KCNH8: variants seen among roughly 807,000 people sequenced by gnomAD.
KCNH8 encodes voltage-gated delayed rectifier potassium channel KCNH8.
Under a neutral mutation model 103.6 loss-of-function variants are expected in KCNH8, and 70 were observed. The observed-to-expected ratio is 0.68, with a 90% CI of 0.56 to 0.82. The LOEUF is 0.82. KCNH8 is among the 40% of genes least tolerant of loss of function. KCNH8 has a pLI of 0.00. For synonymous variants in KCNH8, 498 were observed against 489.4 expected (o/e 1.02, Z -0.23); for missense variants, 1,217 against 1,329.9 (o/e 0.92, Z 1.32).
Position 19,469,430 on chromosome 3 carries a change from CTGT to C in KCNH8, c.2040+12456_2040+12458del, listed in dbSNP as rs557695211. On this transcript the variant is annotated intron_variant, in intron 11 of 15. Transcript: ENST00000328405. Reference sequence around the variant, plus strand: ...ATCCAGTATGTTTTTTTTGTTGTTGCTGTTGTTGTTTTTTGTTTTTTGTTTTTG... The same window carrying C: ...ATCCAGTATGTTTTTTTTGTTGTTGCTGTTGTTTTTTGTTTTTTGTTTTTG... Among the ~76,000 whole-genome samples the C allele has an allele frequency of 1.1e-3, 169 of 151,944 alleles. 2 individuals are homozygous for C. In the South Asian group the frequency reaches 0.032, roughly 29 times the overall value.
intron 11 of KCNH8, among the ~76,000 whole-genome samples, chr3:19,461,173 T>C (rs1304615471): frequency 6.6e-6 from 1 of 152,180 alleles, no homozygotes; most frequent in African/African-American, 2.4e-5. Context: ...TTGCTTCTTT[T>C]CAAAGAGGAC....
At chr3:19,354,710 C>A (rs368134921) in intron 5 of KCNH8, among the ~76,000 whole-genome samples, 1 of 152,154 alleles carries the variant, frequency 6.6e-6, no homozygotes, top group Admixed American at 6.6e-5. Context: ...CCCTTCCTTA[C>A]ACCTTATACA....
At chr3:19,390,388 C>G in intron 5 of KCNH8, 93 bp from the exon 6 acceptor site, 1 of 902,514 alleles carries the variant, frequency 1.1e-6, no homozygotes, top group Non-Finnish European at 1.7e-6. Flanking sequence ...TGCCTGTCTC[C>G]CTTCCTTTCT....
chr3:19,262,964 C>T (rs929085498), intron 2 of KCNH8, among the ~76,000 whole-genome samples: 4 of 152,180 alleles, frequency 2.6e-5, no homozygotes, highest in Admixed American at 1.3e-4. Flanking sequence ...GGCAATACAA[C>T]AGCAAATGCA....
chr3:19,196,067 C>G (rs2063598807), intron 1 of KCNH8, among the ~76,000 whole-genome samples: 1 of 152,046 alleles, frequency 6.6e-6, no homozygotes, highest in Admixed American at 6.6e-5. Context: ...AGAAAGTACT[C>G]TGTCTGAAAC....
At chr3:19,413,366 G>T (rs1462750861) in intron 7 of KCNH8, among the ~76,000 whole-genome samples, 3 of 151,894 alleles carry the variant, frequency 2.0e-5, no homozygotes, top group African/African-American at 7.3e-5. Context: ...AGCAGCAACT[G>T]GGGACTACTA....
At chr3:19,281,040 G>T (rs1488053069) in intron 2 of KCNH8, among the ~76,000 whole-genome samples, 158 bp from the exon 3 acceptor site, 1 of 152,076 alleles carries the variant, frequency 6.6e-6, no homozygotes, top group Admixed American at 6.6e-5. Context: ...ATATAGGATA[G>T]AAATTTATGG....
intron 3 of KCNH8, among the ~76,000 whole-genome samples, chr3:19,332,617 T>A (rs992128959): frequency 6.6e-6 from 1 of 152,050 alleles, no homozygotes; most frequent in Non-Finnish European, 1.5e-5. Context: ...TTTTTTAGAT[T>A]GACTGTTTTT....
chr3:19,169,281 C>G, intron 1 of KCNH8, among the ~76,000 whole-genome samples: 1 of 125,870 alleles, frequency 7.9e-6, no homozygotes, highest in African/African-American at 3.3e-5. Flanking sequence ...TTTTTTGAGA[C>G]GGAGTCTCGC....
At chr3:19,382,068 T>A (rs1261846544) in intron 5 of KCNH8, among the ~76,000 whole-genome samples, 4 of 152,244 alleles carry the variant, frequency 2.6e-5, no homozygotes, top group East Asian at 3.9e-4. Context: ...CCCCTTAAGA[T>A]CAATGCATTT....
At chr3:19,429,195 A>G (rs1245030139) in intron 7 of KCNH8, among the ~76,000 whole-genome samples, 1 of 122,330 alleles carries the variant, frequency 8.2e-6, no homozygotes, top group Non-Finnish European at 1.6e-5. Flanking sequence ...TTTTGGAGAC[A>G]AGAGTCCTCG....
chr3:19,248,389 C>T (rs60737666), intron 1 of KCNH8, among the ~76,000 whole-genome samples: 16,521 of 152,154 alleles, frequency 0.11, 2,910 homozygotes, highest in African/African-American at 0.37. Context: ...ATTTCTGAAA[C>T]ACTGATTTTC....
chr3:19,304,581 A>T (rs989662192), intron 3 of KCNH8, among the ~76,000 whole-genome samples: 1 of 152,156 alleles, frequency 6.6e-6, no homozygotes, highest in Non-Finnish European at 1.5e-5. Flanking sequence ...ATAATGATAG[A>T]ATTTTTTAAC....
Position 19,342,635 on chromosome 3 carries a change from G to A in KCNH8, c.491G>A (p.Arg164Gln), listed in dbSNP as rs769737957. The change falls in exon 4 of 16, where the codon CGG becomes CAG. Residue 164 changes from arginine (R) to glutamine (Q), a missense_variant. Arg to Gln is a conservative substitution (Grantham distance 43). This residue lies in a region of KCNH8 where 244 missense variants were observed against 256.8 expected (regional missense o/e 0.95). Coordinates refer to ENST00000328405, the MANE Select transcript of KCNH8 (RefSeq NM_144633.3). ...GCAGGGACCCACTTTGACTCAGCCC[G>A]GAGACGGAGTCGAGCAGTCCTTTAT... ...SRAGTHFDSA[R>Q]RRSRAVLYHI... is the part of the protein sequence containing the mutation. 27 of 1,610,750 alleles carry A rather than the reference G, an allele frequency of 1.7e-5. No homozygotes were observed. Among genetic ancestry groups the A allele is most frequent in the Admixed American group, 1.2e-4 (7 of 59,806 alleles).
intron 3 of KCNH8, among the ~76,000 whole-genome samples, chr3:19,301,620 C>G (rs1281718429): frequency 2.6e-5 from 4 of 152,036 alleles, no homozygotes; most frequent in Non-Finnish European, 5.9e-5. Flanking sequence ...CTGTGGACAC[C>G]AAGTGGGTGT....
At chr3:19,172,321 A>T (rs1038849195) in intron 1 of KCNH8, among the ~76,000 whole-genome samples, 1 of 152,174 alleles carries the variant, frequency 6.6e-6, no homozygotes, top group Non-Finnish European at 1.5e-5. Flanking sequence ...TCTCCATAAG[A>T]ATACATACCC....
chr3:19,196,519 T>C (rs114127929), intron 1 of KCNH8, among the ~76,000 whole-genome samples: 31 of 152,096 alleles, frequency 2.0e-4, no homozygotes, highest in African/African-American at 7.0e-4. Flanking sequence ...ACATCCTTCC[T>C]GGTTATGTTT....
In KCNH8 at chr3:19,491,661, T is replaced by C. The variant is rs191821353; in HGVS notation, c.2041-18702T>C. 2.6e-5 allele frequency among the ~76,000 whole-genome samples: 4 copies of C among 152,312 alleles called. No individual in the cohort carries two copies. In the East Asian group the frequency reaches 7.7e-4, roughly 29 times the overall value. ...GCAGCAATGAACATATGAGTGAGCA[T>C]TTCTTTTTGATGTAGTGATCTATTT... On this transcript the variant is annotated intron_variant, in intron 11 of 15. Transcript: ENST00000328405.
intron 11 of KCNH8, among the ~76,000 whole-genome samples, chr3:19,475,847 A>G (rs2067962252): frequency 6.6e-6 from 1 of 152,136 alleles, no homozygotes; most frequent in Non-Finnish European, 1.5e-5. Flanking sequence ...TTCATTCTAA[A>G]TTTCAGTGGC....
Sources: gnomAD v4.1 joint callset for allele counts (sites outside exome capture counted in the v4.1 genomes callset) on GRCh38, gnomAD v4.1.1 for gene constraint, gnomAD v4.1.1 regional missense constraint, MANE v1.5 for transcripts, NCBI Gene and HGNC (gene_info 2026-07-23, HGNC 2026-07-21) for gene names.